Variants in ASTN2 observed in about 807,000 individuals in gnomAD.
ASTN2 encodes astrotactin-2.
In ASTN2, 54 loss-of-function variants were observed where a neutral mutation model predicts 139.8. That is an observed-to-expected ratio of 0.39 (90% CI 0.31 to 0.48). ASTN2 has a LOEUF of 0.48. Among genes scored for constraint, ASTN2 ranks in the 20% least tolerant of loss-of-function variants. The pLI, the probability that ASTN2 is intolerant of heterozygous loss-of-function variation, is 0.95. For missense variants in ASTN2, 1,565 were observed against 1,725.1 expected, an observed-to-expected ratio of 0.91 and a Z score of 1.64; for synonymous variants, 756 against 719.5, an observed-to-expected ratio of 1.05 and a Z score of -0.81.
At chr9:117,207,711 G>T (rs367923992) in intron 3 of ASTN2, among the ~76,000 whole-genome samples, 1 of 152,074 alleles carries the variant, frequency 6.6e-6, no homozygotes, top group Non-Finnish European at 1.5e-5. Flanking sequence ...GAGATACCAC[G>T]TGCCCTTGCT....
At chr9:116,599,433 T>C (rs1022724829) in intron 19 of ASTN2, among the ~76,000 whole-genome samples, 19 of 152,358 alleles carry the variant, frequency 1.2e-4, no homozygotes, top group African/African-American at 4.3e-4. Flanking sequence ...AGGGGATGAA[T>C]GATTATTGGC....
chr9:116,890,877 T>C (rs1006274828), intron 10 of ASTN2, among the ~76,000 whole-genome samples: 1 of 152,200 alleles, frequency 6.6e-6, no homozygotes, highest in African/African-American at 2.4e-5. Flanking sequence ...AAATGTATCA[T>C]TGATCTTATT....
At chr9:116,439,282 G>A (rs962072145) in intron 22 of ASTN2, among the ~76,000 whole-genome samples, 1 of 121,072 alleles carries the variant, frequency 8.3e-6, no homozygotes, top group African/African-American at 3.6e-5. Context: ...CTCACTGCAA[G>A]CTCCGCCTCC....
chr9:116,458,724 C>T (rs925509090), intron 20 of ASTN2, among the ~76,000 whole-genome samples: 1 of 151,616 alleles, frequency 6.6e-6, no homozygotes, highest in African/African-American at 2.4e-5. Context: ...GACTTGAACA[C>T]TAAAAACTAC....
intron 17 of ASTN2, among the ~76,000 whole-genome samples, chr9:116,626,226 G>A (rs780834643): frequency 1.5e-4 from 18 of 117,454 alleles, no homozygotes; most frequent in Admixed American, 2.3e-4. Flanking sequence ...GGCTGGTCTC[G>A]AAATCCTGAT....
At chr9:116,797,087 C>T (rs1830716480) in intron 13 of ASTN2, among the ~76,000 whole-genome samples, 1 of 151,890 alleles carries the variant, frequency 6.6e-6, no homozygotes, top group South Asian at 2.1e-4. Context: ...TCCCAAAATG[C>T]TGGGTGTTAA....
intron 13 of ASTN2, among the ~76,000 whole-genome samples, chr9:116,763,606 A>G (rs1829731126): frequency 1.3e-5 from 2 of 151,998 alleles, no homozygotes; most frequent in African/African-American, 2.4e-5. Context: ...ATGTAGAGTC[A>G]GCTAGACCTG....
intron 11 of ASTN2, among the ~76,000 whole-genome samples, chr9:116,833,788 A>G (rs1831897018): frequency 6.6e-6 from 1 of 152,162 alleles, no homozygotes; most frequent in African/African-American, 2.4e-5. Flanking sequence ...TGTATGTTGA[A>G]ATCCTAACCC....
At chr9:116,758,761 TG>T (rs2132164881) in intron 13 of ASTN2, among the ~76,000 whole-genome samples, 1 of 152,282 alleles carries the variant, frequency 6.6e-6, no homozygotes, top group East Asian at 1.9e-4. Context: ...CCAAGAACAC[TG>T]GGGCAGGTGT....
intron 10 of ASTN2, among the ~76,000 whole-genome samples, chr9:116,949,973 CT>C (rs558642886): frequency 2.3e-3 from 338 of 143,876 alleles, no homozygotes; most frequent in African/African-American, 5.5e-3. Context: ...CAAAGTTTTT[CT>C]TTTTTTTTTT....
chr9:117,053,376 C>A (rs946058472), intron 5 of ASTN2, among the ~76,000 whole-genome samples: 3 of 152,010 alleles, frequency 2.0e-5, no homozygotes, highest in Non-Finnish European at 4.4e-5. Flanking sequence ...CGCTTGAGCC[C>A]AGGAGTTTGA....
chr9:116,769,650 A>G (rs1412514077), intron 13 of ASTN2, among the ~76,000 whole-genome samples: 2 of 152,222 alleles, frequency 1.3e-5, no homozygotes, highest in African/African-American at 4.8e-5. Flanking sequence ...CCCCTAAGGC[A>G]GGAAGAGATG....
intron 4 of ASTN2, among the ~76,000 whole-genome samples, chr9:117,135,920 A>G (rs553420014): frequency 6.6e-6 from 1 of 152,290 alleles, no homozygotes; most frequent in Admixed American, 6.5e-5. Flanking sequence ...GCTGTAGGAC[A>G]CAATGGGTTG....
At chr9:117,086,098 G>A (rs1460868338) in intron 5 of ASTN2, among the ~76,000 whole-genome samples, 1 of 152,174 alleles carries the variant, frequency 6.6e-6, no homozygotes, top group Non-Finnish European at 1.5e-5. Flanking sequence ...AACTAATACA[G>A]TTTCTTCTGT....
chr9:116,882,779 A>G (rs1023733261), intron 10 of ASTN2, among the ~76,000 whole-genome samples: 2 of 151,656 alleles, frequency 1.3e-5, no homozygotes, highest in Non-Finnish European at 2.9e-5. Context: ...GTGAGCTATG[A>G]TTGCGCCACT....
At chr9:117,012,466 G>A (rs181836229) in intron 6 of ASTN2, among the ~76,000 whole-genome samples, 86 of 152,260 alleles carry the variant, frequency 5.6e-4, no homozygotes, top group African/African-American at 1.8e-3. Flanking sequence ...TCCTTCCTGC[G>A]TAAGAAATAG....
intron 7 of ASTN2, among the ~76,000 whole-genome samples, chr9:116,987,120 C>A (rs940012575): frequency 6.6e-6 from 1 of 152,202 alleles, no homozygotes; most frequent in African/African-American, 2.4e-5. Flanking sequence ...TAGTACTGAA[C>A]CCTACTGATG....
chr9:117,058,214 A>G (rs1564405124), intron 5 of ASTN2, among the ~76,000 whole-genome samples: 2 of 152,212 alleles, frequency 1.3e-5, no homozygotes, highest in Non-Finnish European at 1.5e-5. Flanking sequence ...ATGAATGGAC[A>G]GAGGCTTTAA....
rs544760041 is a variant in ASTN2, at chr9:117,235,432, C to T, written c.631-20690G>A. On this transcript the variant is annotated intron_variant, in intron 2 of 22. Coordinates refer to ENST00000313400, the MANE Select transcript of ASTN2 (RefSeq NM_001365068.1). Reference sequence around the variant, plus strand: ...AGGTTAAACAATTTGCTCCGGGTCACGAAATTAATCTGTAGCAGCCCTATT... The same window carrying T: ...AGGTTAAACAATTTGCTCCGGGTCATGAAATTAATCTGTAGCAGCCCTATT... Among the ~76,000 whole-genome samples the T allele has an allele frequency of 4.6e-5, 7 of 152,210 alleles. No individual in the cohort carries two copies. The East Asian group carries it at 5.8e-4, about 13-fold the overall frequency.
Sources: gnomAD v4.1 joint callset for allele counts (sites outside exome capture counted in the v4.1 genomes callset) on GRCh38, gnomAD v4.1.1 for gene constraint, MANE v1.5 for transcripts, NCBI Gene and HGNC (gene_info 2026-07-23, HGNC 2026-07-21) for gene names.